TPH2: variants seen among roughly 807,000 people sequenced by gnomAD.
TPH2 encodes tryptophan hydroxylase 2, also known as tryptophan 5-hydroxylase 2.
TPH2 carries 27 observed loss-of-function variants against 59.1 expected under a neutral mutation model. The observed-to-expected ratio is 0.46, with a 90% CI of 0.34 to 0.63. The LOEUF (loss-of-function observed/expected upper bound fraction) is 0.63, where lower values mean the gene tolerates loss of function less well. Among genes scored for constraint, TPH2 ranks in the 30% least tolerant of loss-of-function variants. TPH2 has a pLI of 0.01. For synonymous variants in TPH2, 220 were observed against 210.5 expected (o/e 1.05, Z -0.39); for missense variants, 523 against 588.3 (o/e 0.89, Z 1.15).
At chr12:72,025,167 A>G (rs1873533385) in intron 9 of TPH2, among the ~76,000 whole-genome samples, 1 of 152,136 alleles carries the variant, frequency 6.6e-6, no homozygotes, top group Admixed American at 6.5e-5. Flanking sequence ...TAGCGTTATC[A>G]TAATTCCTGT....
chr12:72,022,653 C>T (rs138639579), intron 9 of TPH2, among the ~76,000 whole-genome samples, 159 bp downstream of exon 9: 2 of 152,190 alleles, frequency 1.3e-5, no homozygotes, highest in African/African-American at 2.4e-5. Flanking sequence ...CCTCACTTTT[C>T]GCACTTGTGA....
In TPH2 at chr12:72,031,623, G is replaced by A. The variant is rs567854689; in HGVS notation, c.1401G>A (p.Val467=). ...ACACCAGAAGTATTGAAAATGTGGT[G>A]CAGGACCTTCGCAGCGACTTGAATA... ...LKDTRSIENV[V]QDLRSDLNTV... The change falls in exon 11 of 11, where the codon GTG becomes GTA. Residue 467 remains valine, a synonymous_variant. Coordinates refer to ENST00000333850, the MANE Select transcript of TPH2 (RefSeq NM_173353.4). 1 of 1,613,628 alleles carries A rather than the reference G, an allele frequency of 6.2e-7. No homozygotes were observed. The highest frequency in any genetic ancestry group is 1.3e-5 in the African/African-American group (1 of 74,994).
chr12:72,029,099 A>G (rs773836630), intron 9 of TPH2, among the ~76,000 whole-genome samples: 1 of 152,230 alleles, frequency 6.6e-6, no homozygotes, highest in Non-Finnish European at 1.5e-5. Context: ...CTCTGGAGGC[A>G]TCCTCTATAC....
intron 5 of TPH2, chr12:71,964,558 A>T: frequency 4.1e-6 from 4 of 985,070 alleles, no homozygotes; most frequent in Non-Finnish European, 4.8e-6. Flanking sequence ...TTGAATACTC[A>T]TTGAGTATTT....
At chr12:72,029,395 A>G (rs1873656421) in intron 9 of TPH2, among the ~76,000 whole-genome samples, 1 of 152,236 alleles carries the variant, frequency 6.6e-6, no homozygotes, top group Admixed American at 6.5e-5. Context: ...ACAACGTAGT[A>G]CATTAAATGT....
rs371637648 is a variant in TPH2, at chr12:71,945,999, C to T, written c.540+1313C>T. Among the ~76,000 whole-genome samples, 64 of 152,264 alleles carry T rather than the reference C, an allele frequency of 4.2e-4. No individual in the cohort carries two copies. In the East Asian group the frequency reaches 6.2e-3, roughly 15 times the overall value. On this transcript the variant is annotated intron_variant, in intron 4 of 10. Coordinates refer to ENST00000333850, the MANE Select transcript of TPH2 (RefSeq NM_173353.4). ...ACCCATTGTTATCTTTCCCCTCTCT[C>T]AACTTCCAGAAGGCATCAGAATTAG...
rs1016965894 is a variant in TPH2 at position 72,031,342 on chromosome 12, G to A, written c.1249G>A (p.Glu417Lys). ...LQECLITTFQ[E>K]AYFVSESFEE... ...GGAATGCCTTATCACCACCTTCCAG[G>A]AAGCCTACTTTGTTTCAGAAAGTTT... is the stretch of plus-strand genomic sequence containing the variant. Residue 417 changes from glutamate to lysine, a missense_variant, in exon 10 of 11, where the codon GAA becomes AAA. Transcript: ENST00000333850. 16 of 1,613,584 alleles carry A rather than the reference G, an allele frequency of 9.9e-6. No individual in the cohort carries two copies. The highest frequency in any genetic ancestry group is 1.7e-5 in the Admixed American group (1 of 59,964).
Position 71,979,082 on chromosome 12 carries a change from A to G in TPH2, c.936A>G (p.Pro312=), listed in dbSNP as rs7305115. The change falls in exon 7 of 11, where the codon CCA becomes CCG. Residue 312 remains proline (P), a synonymous_variant. Transcript: ENST00000333850. ...IRHGSDPLYT[P]EPDTCHELLG... is the part of the protein sequence containing the mutation. Reference sequence around the variant, plus strand: ...ATGGCTCAGATCCCCTCTACACCCCAGAACCGTGAGTACCTACATTAAAGC... The same window carrying G: ...ATGGCTCAGATCCCCTCTACACCCCGGAACCGTGAGTACCTACATTAAAGC... 0.57 allele frequency: 920,002 copies of G among 1,613,674 alleles called. 263,420 individuals carry two copies. The highest frequency in any genetic ancestry group is 0.6 in the African/African-American group (45,072 of 74,884).
chr12:72,012,256 G>A (rs10748190), intron 8 of TPH2, among the ~76,000 whole-genome samples: 83,908 of 151,898 alleles, frequency 0.55, 23,614 homozygotes, highest in South Asian at 0.67. Flanking sequence ...CTCAGGGTCT[G>A]GTGGAGAGGA....
chr12:72,015,764 A>G (rs576192554), intron 8 of TPH2, among the ~76,000 whole-genome samples: 10 of 152,284 alleles, frequency 6.6e-5, no homozygotes, highest in South Asian at 6.2e-4. Flanking sequence ...TGCATCTGAA[A>G]GGACCCTGGA....
At chr12:72,026,270 C>A (rs990982209) in intron 9 of TPH2, among the ~76,000 whole-genome samples, 2 of 151,566 alleles carry the variant, frequency 1.3e-5, no homozygotes, top group Non-Finnish European at 2.9e-5. Context: ...ACATCTGTTT[C>A]GCTCTTTGGG....
At chr12:72,013,552 T>C (rs1049806244) in intron 8 of TPH2, among the ~76,000 whole-genome samples, 1 of 152,166 alleles carries the variant, frequency 6.6e-6, no homozygotes, top group Non-Finnish European at 1.5e-5. Flanking sequence ...ATCCCATTTC[T>C]CCTTCAAAAT....
chr12:72,023,222 T>C (rs1406570132), intron 9 of TPH2, among the ~76,000 whole-genome samples: 3 of 152,258 alleles, frequency 2.0e-5, no homozygotes, highest in Non-Finnish European at 4.4e-5. Flanking sequence ...ATACACAATC[T>C]AGAATAGTAC....
At chr12:71,978,215 TA>T (rs60298553) in intron 6 of TPH2, among the ~76,000 whole-genome samples, 10,324 of 144,092 alleles carry the variant, frequency 0.072, 529 homozygotes, top group South Asian at 0.17. Flanking sequence ...AATGCATATT[TA>T]AAAAAAAAAA....
At chr12:71,987,053 T>G (rs1481134086) in intron 7 of TPH2, among the ~76,000 whole-genome samples, 1 of 152,202 alleles carries the variant, frequency 6.6e-6, no homozygotes, top group African/African-American at 2.4e-5. Context: ...ACGTTCTGTT[T>G]GTCTGGCATC....
At chr12:71,953,852 CA>C (rs1566118627) in intron 5 of TPH2, among the ~76,000 whole-genome samples, 4 of 152,000 alleles carry the variant, frequency 2.6e-5, no homozygotes, top group Non-Finnish European at 5.9e-5. Flanking sequence ...AAGAAGAAGT[CA>C]AACATGTGGT....
chr12:71,942,518 G>A (rs1252868232), intron 2 of TPH2, among the ~76,000 whole-genome samples: 1 of 152,212 alleles, frequency 6.6e-6, no homozygotes, highest in Non-Finnish European at 1.5e-5. Flanking sequence ...TGCTAGTGCA[G>A]TGGAAAGATA....
intron 9 of TPH2, among the ~76,000 whole-genome samples, chr12:72,026,805 T>C (rs1873580442): frequency 6.6e-6 from 1 of 152,162 alleles, no homozygotes; most frequent in Non-Finnish European, 1.5e-5. Context: ...TTTAAAAAAG[T>C]GTAATGCATC....
intron 7 of TPH2, among the ~76,000 whole-genome samples, chr12:71,991,655 C>T (rs1489831368): frequency 6.6e-6 from 1 of 152,076 alleles, no homozygotes; most frequent in Non-Finnish European, 1.5e-5. Flanking sequence ...GTGCAGGCGG[C>T]ATGACCTTTT....
Sources: gnomAD v4.1 joint callset for allele counts (sites outside exome capture counted in the v4.1 genomes callset) on GRCh38, gnomAD v4.1.1 for gene constraint, MANE v1.5 for transcripts, NCBI Gene and HGNC (gene_info 2026-07-23, HGNC 2026-07-21) for gene names.